PLEKHG1: variants seen among roughly 807,000 people sequenced by gnomAD.
The protein encoded by PLEKHG1 is pleckstrin homology and RhoGEF domain containing G1.
PLEKHG1 carries 44 observed loss-of-function variants against 100.8 expected under a neutral mutation model. That is an observed-to-expected ratio of 0.44 (90% CI 0.34 to 0.56). The LOEUF (loss-of-function observed/expected upper bound fraction) is 0.56, where lower values mean the gene tolerates loss of function less well. Ranked by LOEUF, PLEKHG1 falls within the 20% of genes least tolerant of loss-of-function variation. The pLI, the probability that PLEKHG1 is intolerant of heterozygous loss-of-function variation, is 0.01. For missense variants in PLEKHG1, 1,545 were observed against 1,720.9 expected, an observed-to-expected ratio of 0.90 and a Z score of 1.81; for synonymous variants, 640 against 662.5, an observed-to-expected ratio of 0.97 and a Z score of 0.52.
chr6:150,798,097 T>A (rs896791037), intron 5 of PLEKHG1, among the ~76,000 whole-genome samples: 1 of 152,166 alleles, frequency 6.6e-6, no homozygotes, highest in Non-Finnish European at 1.5e-5. Context: ...TTTGTTTCCA[T>A]CTTAATGCTG....
chr6:150,753,143 T>C (rs1322184258), intron 2 of PLEKHG1, among the ~76,000 whole-genome samples: 6 of 152,132 alleles, frequency 3.9e-5, no homozygotes, highest in Non-Finnish European at 7.4e-5. Flanking sequence ...AAAGATTCTT[T>C]GTTTTGTTAA....
chr6:150,669,474 A>G (rs1779513035), intron 3 of PLEKHG1, among the ~76,000 whole-genome samples: 1 of 151,906 alleles, frequency 6.6e-6, no homozygotes, highest in South Asian at 2.1e-4. Flanking sequence ...AAATAACGCG[A>G]CGTTCTTTGG....
At chr6:150,740,360 A>T (rs1359479616) in intron 2 of PLEKHG1, among the ~76,000 whole-genome samples, 1 of 152,242 alleles carries the variant, frequency 6.6e-6, no homozygotes, top group Admixed American at 6.5e-5. Flanking sequence ...ATGGTTGTGC[A>T]TAGGCATTCC....
rs566960122 is a variant in PLEKHG1, at chr6:150,743,113, C to T, written c.411+9021C>T. ...CCGTGTGTCCAAAGAAGGTAGGAAACAATTTTTGTAAACAACCTGCAGTTT... is the reference window on the plus strand; with the variant it reads ...CCGTGTGTCCAAAGAAGGTAGGAAATAATTTTTGTAAACAACCTGCAGTTT... On this transcript the variant is annotated intron_variant, in intron 2 of 15. Coordinates refer to ENST00000358517, the Ensembl canonical transcript of PLEKHG1. Among the ~76,000 whole-genome samples the T allele has an allele frequency of 7.2e-5, 11 of 152,276 alleles. No individual in the cohort carries two copies. The South Asian group carries it at 2.3e-3, about 32-fold the overall frequency.
intron 3 of PLEKHG1, among the ~76,000 whole-genome samples, chr6:150,689,754 CTGAGGCAGGAGA>C: frequency 6.6e-6 from 1 of 151,514 alleles, no homozygotes; most frequent in African/African-American, 2.4e-5. Flanking sequence ...ACACAGGAGG[CTGAGGCAGGAGA>C]ATCACTTGAA....
At chr6:150,729,591 T>TA (rs1782141350) in intron 1 of PLEKHG1, among the ~76,000 whole-genome samples, 1 of 152,222 alleles carries the variant, frequency 6.6e-6, no homozygotes, top group African/African-American at 2.4e-5. Flanking sequence ...TGAATCAACA[T>TA]AAAAAATGTT....
At chr6:150,768,946 C>G (rs902081504) in intron 3 of PLEKHG1, among the ~76,000 whole-genome samples, 1 of 152,144 alleles carries the variant, frequency 6.6e-6, no homozygotes, top group Non-Finnish European at 1.5e-5. Context: ...CTCCATCCTC[C>G]TGGCTCAGAG....
At chr6:150,793,369 C>T (rs1393137715) in intron 4 of PLEKHG1, among the ~76,000 whole-genome samples, 3 of 152,110 alleles carry the variant, frequency 2.0e-5, no homozygotes, top group Non-Finnish European at 2.9e-5. Context: ...CACTGTACTC[C>T]AGAATGGGTG....
At chr6:150,776,067 C>T (rs1175107832) in intron 3 of PLEKHG1, among the ~76,000 whole-genome samples, 3 of 152,220 alleles carry the variant, frequency 2.0e-5, no homozygotes, top group African/African-American at 4.8e-5. Flanking sequence ...GGTTCAAGGT[C>T]ATAATACAAT....
At chr6:150,661,513 A>C (rs549070699) in intron 3 of PLEKHG1, among the ~76,000 whole-genome samples, 8 of 152,326 alleles carry the variant, frequency 5.3e-5, no homozygotes, top group African/African-American at 1.9e-4. Flanking sequence ...TCAGGCACAC[A>C]GAGCCTATTT....
At chr6:150,656,924 C>G (rs1024625043) in intron 3 of PLEKHG1, among the ~76,000 whole-genome samples, 1 of 152,180 alleles carries the variant, frequency 6.6e-6, no homozygotes, top group African/African-American at 2.4e-5. Context: ...CACCAACCCT[C>G]ATGTTTGCTA....
chr6:150,733,823 G>C (rs1239695834), exon 2 of PLEKHG1: 2 of 1,614,096 alleles, frequency 1.2e-6, no homozygotes, highest in East Asian at 4.5e-5. Context: ...CCAGGATAAG[G>C]AGGTAGGGGC....
chr6:150,678,069 T>C (rs1779819696), intron 3 of PLEKHG1, among the ~76,000 whole-genome samples: 1 of 117,690 alleles, frequency 8.5e-6, no homozygotes, highest in Admixed American at 8.0e-5. Context: ...GATGCATATA[T>C]ATATATATAT....
intron 1 of PLEKHG1, among the ~76,000 whole-genome samples, chr6:150,609,281 T>C (rs978809361): frequency 2.6e-5 from 4 of 152,158 alleles, no homozygotes; most frequent in Non-Finnish European, 2.9e-5. Flanking sequence ...GACAAGTACT[T>C]TGAAGAAAAT....
intron 3 of PLEKHG1, among the ~76,000 whole-genome samples, chr6:150,700,183 T>C (rs76120076): frequency 0.043 from 6,569 of 152,288 alleles, 460 homozygotes; most frequent in African/African-American, 0.15. Context: ...CCTGCCAGGC[T>C]GACCAGCCTC....
chr6:150,733,780 C>CCTA, exon 2 of PLEKHG1: 1 of 1,614,160 alleles, frequency 6.2e-7, no homozygotes, highest in Non-Finnish European at 8.5e-7. Flanking sequence ...GCAGAATGAC[C>CCTA]TTAGTTTCAA....
At chr6:150,762,983 C>T (rs1330908946) in intron 2 of PLEKHG1, among the ~76,000 whole-genome samples, 1 of 151,002 alleles carries the variant, frequency 6.6e-6, no homozygotes, top group Non-Finnish European at 1.5e-5. Context: ...TACATGTTCT[C>T]CCTCATTCTC....
chr6:150,733,852 T>A (rs777837754), exon 2 of PLEKHG1: 2 of 1,614,074 alleles, frequency 1.2e-6, no homozygotes, highest in Admixed American at 3.3e-5. Context: ...TGGAGCTGAT[T>A]CCTGCCAGGC....
At chr6:150,679,221 G>A (rs193028636) in intron 3 of PLEKHG1, among the ~76,000 whole-genome samples, 156 of 152,238 alleles carry the variant, frequency 1.0e-3, no homozygotes, top group Non-Finnish European at 1.7e-3. Flanking sequence ...TTTCTGAGTC[G>A]CTCTGTTCTT....
Sources: allele counts gnomAD v4.1 joint callset (sites outside exome capture counted in the v4.1 genomes callset), GRCh38; gene constraint gnomAD v4.1.1; transcripts MANE v1.5; gene names NCBI Gene and HGNC (gene_info 2026-07-23, HGNC 2026-07-21).